PRKCE: variants seen among roughly 807,000 people sequenced by gnomAD.
The protein encoded by PRKCE is protein kinase C epsilon, also known as protein kinase C epsilon type.
A neutral mutation model predicts 85.4 loss-of-function variants in PRKCE; 16 were observed. The ratio of observed to expected loss-of-function variants is 0.19; its 90% CI spans 0.13 to 0.28. The LOEUF is 0.28. PRKCE is among the 10% of genes least tolerant of loss of function. The probability of loss-of-function intolerance (pLI) is 1.00; values close to 1 mark genes in which losing one functional copy is unlikely to be tolerated. For synonymous variants in PRKCE, 388 were observed against 371.5 expected (o/e 1.04, Z -0.51); for missense variants, 573 against 975.2 (o/e 0.59, Z 5.49).
At chr2:45,868,912 C>T (rs12104896) in intron 2 of PRKCE, among the ~76,000 whole-genome samples, 31,291 of 149,542 alleles carry the variant, frequency 0.21, 3,552 homozygotes, top group South Asian at 0.34. Context: ...GAGCCAAGAT[C>T]GTGCCACTGC....
intron 10 of PRKCE, among the ~76,000 whole-genome samples, chr2:46,067,844 C>T (rs563132115): frequency 1.4e-4 from 22 of 152,262 alleles, no homozygotes; most frequent in East Asian, 9.7e-4. Flanking sequence ...AAGAATATAA[C>T]GCAAGGTAGG....
chr2:45,964,770 G>A (rs1049765686), intron 2 of PRKCE, among the ~76,000 whole-genome samples: 1 of 152,174 alleles, frequency 6.6e-6, no homozygotes, highest in Non-Finnish European at 1.5e-5. Context: ...TTGGGGTTTG[G>A]CATCTTCTTT....
intron 11 of PRKCE, among the ~76,000 whole-genome samples, chr2:46,106,465 A>G (rs1671727428): frequency 6.6e-6 from 1 of 152,370 alleles, no homozygotes; most frequent in African/African-American, 2.4e-5. Flanking sequence ...TTGGGCTGCC[A>G]TAACAAAATA....
intron 1 of PRKCE, among the ~76,000 whole-genome samples, chr2:45,670,058 T>C (rs1676084606): frequency 6.6e-6 from 1 of 152,222 alleles, no homozygotes; most frequent in South Asian, 2.1e-4. Context: ...TCAAGTCTGT[T>C]ATTAGTTATC....
intron 1 of PRKCE, among the ~76,000 whole-genome samples, chr2:45,742,805 T>A (rs1482478772): frequency 6.6e-6 from 1 of 152,286 alleles, no homozygotes; most frequent in East Asian, 1.9e-4. Flanking sequence ...CCAAAGGAAA[T>A]AAAATCACTG....
chr2:45,931,846 A>T (rs565894420), intron 2 of PRKCE, among the ~76,000 whole-genome samples: 1 of 152,198 alleles, frequency 6.6e-6, no homozygotes, highest in East Asian at 1.9e-4. Flanking sequence ...AGCTGGGACT[A>T]CAGGCACCTG....
chr2:46,101,880 A>AC (rs1276828142), intron 11 of PRKCE, among the ~76,000 whole-genome samples: 1 of 115,910 alleles, frequency 8.6e-6, no homozygotes, highest in Admixed American at 9.3e-5. Context: ...AAAAAAAAAA[A>AC]AAACCCAAAA....
rs1168301838 is a variant in PRKCE, at chr2:46,109,085, C to G, written c.1592+22723C>G. Among the ~76,000 whole-genome samples the G allele has an allele frequency of 2.0e-5, 3 of 152,066 alleles. No individual in the cohort carries two copies. The East Asian group carries it at 5.8e-4, about 29-fold the overall frequency. ...TATTATTTCCCCAATACCATGCTGTCTTGATTACTATAGCTTTATAGTAAG... is the reference window on the plus strand; with the variant it reads ...TATTATTTCCCCAATACCATGCTGTGTTGATTACTATAGCTTTATAGTAAG... On this transcript the variant is annotated intron_variant, in intron 11 of 14. Coordinates refer to ENST00000306156, the MANE Select transcript of PRKCE (RefSeq NM_005400.3).
intron 11 of PRKCE, among the ~76,000 whole-genome samples, chr2:46,129,807 ACTCG>A (rs1240176002): frequency 5.3e-5 from 8 of 152,038 alleles, no homozygotes; most frequent in Non-Finnish European, 1.0e-4. Flanking sequence ...ATGTTGTAAG[ACTCG>A]CTGGGAAATG....
chr2:46,078,703 T>A (rs925016859), intron 10 of PRKCE: 1 of 152,212 alleles, frequency 6.6e-6, no homozygotes, highest in African/African-American at 2.4e-5. Flanking sequence ...CCACATGTGA[T>A]TTTCGTCTCT....
At position 45,843,056 on chromosome 2, in the gene PRKCE, G is replaced by A. The variant is rs779253222; in HGVS notation, c.405G>A (p.Ser135=). 56 of 1,613,956 alleles carry A rather than the reference G, an allele frequency of 3.5e-5. No individual in the cohort carries two copies. Among genetic ancestry groups the A allele is most frequent in the South Asian group, 2.2e-4 (20 of 91,088 alleles). ...VYVIIDLSGS[S]GEAPKDNEER... is the part of the protein sequence containing the mutation. ...TGATCATCGATCTCTCAGGGTCGTC[G>A]GGTGAAGGTAGGAGAGCGTGACTTC... Residue 135 remains serine, a synonymous_variant, in exon 2 of 15, where the codon TCG becomes TCA. Transcript: ENST00000306156.
intron 1 of PRKCE, among the ~76,000 whole-genome samples, chr2:45,793,892 T>TCAA (rs1435014369): frequency 2.0e-5 from 3 of 152,140 alleles, no homozygotes; most frequent in African/African-American, 7.2e-5. Flanking sequence ...TCATGAGTGT[T>TCAA]CACATTTTTT....
chr2:45,873,563 T>C (rs1157931537), intron 2 of PRKCE, among the ~76,000 whole-genome samples: 1 of 152,142 alleles, frequency 6.6e-6, no homozygotes, highest in Non-Finnish European at 1.5e-5. Context: ...CAGCAAACAC[T>C]TGTTAGACGT....
chr2:45,894,625 G>T (rs866706258), intron 2 of PRKCE, among the ~76,000 whole-genome samples: 42 of 152,072 alleles, frequency 2.8e-4, no homozygotes, highest in African/African-American at 9.7e-4. Flanking sequence ...TGTTGACGGT[G>T]CATGTGAAAC....
chr2:45,661,523 G>GTTTTTTTTTTTTTTTTTTTTTTTTTTT (rs367628974), intron 1 of PRKCE, among the ~76,000 whole-genome samples: 29 of 96,658 alleles, frequency 3.0e-4, no homozygotes, highest in Non-Finnish European at 4.4e-4. Flanking sequence ...TTTGTTTTTT[G>GTTTTTTTTTTTTTTTTTTTTTTTTTTT]TTTTTTGTTT....
intron 10 of PRKCE, among the ~76,000 whole-genome samples, chr2:46,051,561 C>T (rs979418312): frequency 5.9e-5 from 9 of 152,204 alleles, no homozygotes; most frequent in Admixed American, 6.5e-5. Context: ...GAAGACATTT[C>T]CTGAATCTAG....
intron 10 of PRKCE, among the ~76,000 whole-genome samples, chr2:46,056,240 C>CTT (rs1666571062): frequency 6.9e-6 from 1 of 144,426 alleles, no homozygotes; most frequent in African/African-American, 2.8e-5. Flanking sequence ...TGTTCTTGAA[C>CTT]CTTTTTTTTT....
intron 1 of PRKCE, among the ~76,000 whole-genome samples, chr2:45,743,999 T>TG (rs1682809235): frequency 2.0e-5 from 3 of 151,212 alleles, no homozygotes; most frequent in African/African-American, 7.3e-5. Context: ...TGTGTGTTTT[T>TG]TTTTTTTTTT....
intron 2 of PRKCE, among the ~76,000 whole-genome samples, chr2:45,929,632 T>A (rs773673043): frequency 6.6e-6 from 1 of 152,166 alleles, no homozygotes; most frequent in Non-Finnish European, 1.5e-5. Context: ...TTATCAAAGG[T>A]TCTTATTGCC....
Sources: allele counts gnomAD v4.1 joint callset (sites outside exome capture counted in the v4.1 genomes callset), GRCh38; gene constraint gnomAD v4.1.1; transcripts MANE v1.5; gene names NCBI Gene and HGNC (gene_info 2026-07-23, HGNC 2026-07-21).